ZFHX3: variants seen among roughly 807,000 people sequenced by gnomAD.
ZFHX3 encodes zinc finger homeobox protein 3.
Under a neutral mutation model 279.1 loss-of-function variants are expected in ZFHX3, and 42 were observed. That is an observed-to-expected ratio of 0.15 (90% CI 0.12 to 0.19). ZFHX3 has a LOEUF of 0.19. Among genes scored for constraint, ZFHX3 ranks in the 10% least tolerant of loss-of-function variants. The pLI is 1.00. For missense variants in ZFHX3, 4,981 were observed against 4,754.0 expected (o/e 1.05, Z -1.40); for synonymous variants, 2,293 against 1,957.8 (o/e 1.17, Z -4.52).
intron 3 of ZFHX3, among the ~76,000 whole-genome samples, chr16:72,932,605 A>G (rs1409413248): frequency 2.7e-5 from 4 of 149,114 alleles, no homozygotes; most frequent in South Asian, 2.1e-4. Flanking sequence ...TTCACTAAAC[A>G]TCGGTCATAA....
At chr16:72,831,807 A>G (rs1169587154) in intron 4 of ZFHX3, among the ~76,000 whole-genome samples, 1 of 152,220 alleles carries the variant, frequency 6.6e-6, no homozygotes. Context: ...TATTTGTCCC[A>G]ATACATGCTG....
chr16:73,278,638 C>A (rs764538326), intron 4 of ZFHX3, among the ~76,000 whole-genome samples: 1 of 152,212 alleles, frequency 6.6e-6, no homozygotes, highest in Non-Finnish European at 1.5e-5. Flanking sequence ...CACCCACGTT[C>A]CGTTTTTGTC....
chr16:73,018,276 G>GC (rs112637019), intron 1 of ZFHX3, among the ~76,000 whole-genome samples: 151,928 of 151,932 alleles, frequency 1, 75,962 homozygotes, highest in Middle Eastern at 1. Context: ...ACAGGCGTGA[G>GC]CATACACGCC....
intron 3 of ZFHX3, among the ~76,000 whole-genome samples, chr16:73,397,894 G>A (rs886282778): frequency 1.3e-5 from 2 of 152,154 alleles, no homozygotes; most frequent in African/African-American, 4.8e-5. Context: ...ACCCAGGCTG[G>A]AGTGCAATGG....
At chr16:73,430,311 C>A (rs908854269) in intron 3 of ZFHX3, among the ~76,000 whole-genome samples, 23 of 152,124 alleles carry the variant, frequency 1.5e-4, no homozygotes, top group African/African-American at 5.3e-4. Flanking sequence ...TTAAAGAATG[C>A]CCTAAATATT....
chr16:73,504,479 G>A (rs996232426), intron 2 of ZFHX3: 1 of 152,178 alleles, frequency 6.6e-6, no homozygotes, highest in Non-Finnish European at 1.5e-5. Flanking sequence ...AATATGGAGT[G>A]TGTGCAAAAA....
intron 5 of ZFHX3, among the ~76,000 whole-genome samples, chr16:73,191,741 G>T (rs1232476998): frequency 6.6e-6 from 1 of 151,794 alleles, no homozygotes; most frequent in Admixed American, 6.6e-5. Flanking sequence ...TTTTCTGCGG[G>T]AAGACAACCC....
At chr16:73,280,737 T>C (rs1278704393) in intron 4 of ZFHX3, among the ~76,000 whole-genome samples, 1 of 151,952 alleles carries the variant, frequency 6.6e-6, no homozygotes, top group East Asian at 1.9e-4. Context: ...ATCCCAGAAC[T>C]TTGGGAGGCC....
intron 8 of ZFHX3, chr16:73,092,894 C>T: frequency 1.9e-6 from 1 of 519,530 alleles, no homozygotes; most frequent in Non-Finnish European, 3.9e-6. Context: ...GTGTGTGTCC[C>T]ACGCGCTCCT....
chr16:73,753,986 A>ATG lies in ZFHX3; in HGVS notation c.-1607-73748_-1607-73747dup, dbSNP rs1310925312. On this transcript the variant is annotated intron_variant, in intron 1 of 17. Coordinates refer to the ZFHX3 transcript ENST00000641206. ...GTAATGAGAAAAATAGTAAGAATCA[A>ATG]TGTGTGTGTGTGTGTGTGTGTAAAA... 3.4e-3 allele frequency among the ~76,000 whole-genome samples: 500 copies of ATG among 147,428 alleles called. 3 individuals are homozygous for ATG. Among genetic ancestry groups the ATG allele is most frequent in the African/African-American group, 9.5e-3 (376 of 39,412 alleles).
At chr16:72,879,465 G>A (rs938805003) in intron 4 of ZFHX3, among the ~76,000 whole-genome samples, 3 of 151,952 alleles carry the variant, frequency 2.0e-5, no homozygotes, top group Admixed American at 6.6e-5. Flanking sequence ...TCGCTCTGTC[G>A]CCCAGGTTGA....
At chr16:72,837,096 C>A (rs1229270437) in intron 4 of ZFHX3, among the ~76,000 whole-genome samples, 2 of 152,192 alleles carry the variant, frequency 1.3e-5, no homozygotes, top group Non-Finnish European at 2.9e-5. Context: ...TTCAGTAGGA[C>A]CGAAGTGCAC....
intron 2 of ZFHX3, among the ~76,000 whole-genome samples, chr16:73,495,940 C>G (rs373816970): frequency 3.9e-5 from 6 of 152,184 alleles, no homozygotes; most frequent in East Asian, 1.9e-4. Flanking sequence ...GGTTACATCA[C>G]TTTTCATCAC....
At chr16:73,396,127 A>G (rs2017124790) in intron 3 of ZFHX3, among the ~76,000 whole-genome samples, 1 of 152,220 alleles carries the variant, frequency 6.6e-6, no homozygotes, top group South Asian at 2.1e-4. Context: ...GAAGATGGGG[A>G]GTTAGAAAAT....
chr16:73,730,512 G>A (rs1278762035), intron 1 of ZFHX3, among the ~76,000 whole-genome samples: 1 of 152,086 alleles, frequency 6.6e-6, no homozygotes, highest in Non-Finnish European at 1.5e-5. Context: ...CTTTGAAGAG[G>A]TTTGGCTCGT....
intron 1 of ZFHX3, among the ~76,000 whole-genome samples, chr16:73,054,761 G>A (rs546285828): frequency 2.1e-4 from 32 of 152,116 alleles, no homozygotes; most frequent in East Asian, 1.9e-4. Context: ...GTAATTTAAA[G>A]GCATATATAT....
intron 1 of ZFHX3, among the ~76,000 whole-genome samples, chr16:73,714,657 C>G (rs927190123): frequency 1.3e-5 from 2 of 152,318 alleles, no homozygotes; most frequent in African/African-American, 4.8e-5. Context: ...TCCCAACTTC[C>G]TGATCAGCTA....
chr16:72,787,798 G>C lies in ZFHX3; in HGVS notation c.10478C>G (p.Ser3493Cys). ...CACCATCTCTTGCAGGTTCACCACA[G>C]ACTGGCCGAAGAAGCAGAGGGACTT... is the stretch of plus-strand genomic sequence containing the variant. Reference protein sequence around the residue: ...HLKSLCFFGQSVVNLQEMVLH... With the variant: ...HLKSLCFFGQCVVNLQEMVLH... Residue 3493 changes from serine (S) to cysteine (C), a missense_variant, in exon 10 of 10, where the codon TCT becomes TGT. Physicochemically the swap from Ser to Cys is moderately radical, Grantham distance 112. This residue lies in a region of ZFHX3 where 1,034 missense variants were observed against 786.0 expected (regional missense o/e 1.32). Transcript: ENST00000268489. The C allele has an allele frequency of 6.2e-7, 1 of 1,613,404 alleles. No homozygotes were observed. The highest frequency in any genetic ancestry group is 1.1e-5 in the South Asian group (1 of 91,032).
intron 7 of ZFHX3, 42 bp from the exon 8 acceptor site, chr16:72,800,171 G>A (rs367908326): frequency 3.7e-5 from 56 of 1,522,586 alleles, no homozygotes; most frequent in Admixed American, 1.0e-4. Context: ...AGAGGAAAGC[G>A]ACACAAAATA....
Sources: gnomAD v4.1 joint callset for allele counts (sites outside exome capture counted in the v4.1 genomes callset) on GRCh38, gnomAD v4.1.1 for gene constraint, gnomAD v4.1.1 regional missense constraint, MANE v1.5 for transcripts, NCBI Gene and HGNC (gene_info 2026-07-23, HGNC 2026-07-21) for gene names.